The following BBS9 variants were observed in gnomAD, a reference collection of about 807,000 sequenced individuals.
BBS9 encodes Bardet-Biedl syndrome 9.
BBS9 carries 89 observed loss-of-function variants against 117.7 expected under a neutral mutation model. That is an observed-to-expected ratio of 0.76 (90% CI 0.64 to 0.90). The LOEUF is 0.90. Ranked by LOEUF, BBS9 falls within the 40% of genes least tolerant of loss-of-function variation. The pLI, the probability that BBS9 is intolerant of heterozygous loss-of-function variation, is 0.00. For synonymous variants in BBS9, 379 were observed against 370.9 expected (o/e 1.02, Z -0.25); for missense variants, 982 against 1,042.2 (o/e 0.94, Z 0.80).
chr7:33,550,411 T>A (rs1854212015), intron 21 of BBS9, among the ~76,000 whole-genome samples: 1 of 152,222 alleles, frequency 6.6e-6, no homozygotes, highest in African/African-American at 2.4e-5. Context: ...TATTTTTATT[T>A]AAATTTTTCA....
chr7:33,617,630 A>G (rs572134018), intron 21 of BBS9, among the ~76,000 whole-genome samples: 74 of 152,338 alleles, frequency 4.9e-4, no homozygotes, highest in Non-Finnish European at 9.3e-4. Context: ...GCAAGAAAAC[A>G]CAGTAGACAA....
intron 19 of BBS9, among the ~76,000 whole-genome samples, chr7:33,399,947 A>G (rs1428446234): frequency 6.6e-6 from 1 of 152,142 alleles, no homozygotes; most frequent in Non-Finnish European, 1.5e-5. Flanking sequence ...TTCTCCTTTT[A>G]ATAACCATCT....
rs12670016 is a variant in BBS9, at chr7:33,326,497, C to T, written c.1017-9944C>T. On this transcript the variant is annotated intron_variant, in intron 9 of 22. Coordinates refer to ENST00000242067, the MANE Select transcript of BBS9 (RefSeq NM_198428.3). ...TACTCCACTGCAGCCCAGCTGGTACCTAAGCTGTAAGACAAAGTCCCCTTT... is the reference window on the plus strand; with the variant it reads ...TACTCCACTGCAGCCCAGCTGGTACTTAAGCTGTAAGACAAAGTCCCCTTT... 4.4e-3 allele frequency among the ~76,000 whole-genome samples: 672 copies of T among 152,238 alleles called. 20 individuals carry two copies. The East Asian group carries it at 0.074, about 17-fold the overall frequency.
At chr7:33,515,760 A>G (rs896882982) in intron 20 of BBS9, among the ~76,000 whole-genome samples, 1 of 152,194 alleles carries the variant, frequency 6.6e-6, no homozygotes, top group Non-Finnish European at 1.5e-5. Context: ...ACAAAGCATA[A>G]CACAGTTTAT....
At chr7:33,409,013 A>G (rs978738860) in intron 19 of BBS9, among the ~76,000 whole-genome samples, 1 of 152,176 alleles carries the variant, frequency 6.6e-6, no homozygotes, top group African/African-American at 2.4e-5. Flanking sequence ...TCTTCTTTTG[A>G]GAACTGTCTG....
chr7:33,509,233 G>A (rs1408948878), intron 20 of BBS9, among the ~76,000 whole-genome samples: 1 of 152,160 alleles, frequency 6.6e-6, no homozygotes, highest in Non-Finnish European at 1.5e-5. Context: ...TGTTGAGACA[G>A]CTTATACATC....
Position 33,294,342 on chromosome 7 carries a change from TATCTATC to T in BBS9, c.1016+20387_1016+20393del, listed in dbSNP as rs1804795028. Among the ~76,000 whole-genome samples the T allele has an allele frequency of 2.3e-5, 3 of 132,342 alleles. No homozygotes were observed. The South Asian group carries it at 6.9e-4, about 30-fold the overall frequency. The allele number at this position is 132,342 out of a possible 152,430, so 86.8% of individuals were successfully genotyped here. The stretch of plus-strand genomic sequence containing the variant: ...CTATCTATCTATCTATCTATCTATC[TATCTATC>T]TATCTCTTTGTCCATCCATCCATCC... On this transcript the variant is annotated intron_variant, in intron 9 of 22. Coordinates refer to ENST00000242067, the MANE Select transcript of BBS9 (RefSeq NM_198428.3).
At chr7:33,219,008 G>A (rs1011133371) in intron 5 of BBS9, among the ~76,000 whole-genome samples, 2 of 152,368 alleles carry the variant, frequency 1.3e-5, no homozygotes, top group African/African-American at 2.4e-5. Flanking sequence ...GGCTGCGGGC[G>A]GCGCTTGCGG....
At position 33,333,962 on chromosome 7, in the gene BBS9, A is replaced by G. The variant is rs189215333; in HGVS notation, c.1017-2479A>G. Among the ~76,000 whole-genome samples the G allele has an allele frequency of 1.9e-3, 286 of 152,278 alleles. 1 individual carries two copies. Among genetic ancestry groups the G allele is most frequent in the African/African-American group, 6.1e-3 (255 of 41,566 alleles). On this transcript the variant is annotated intron_variant, in intron 9 of 22. Coordinates refer to ENST00000242067, the MANE Select transcript of BBS9 (RefSeq NM_198428.3). ...TTAAAAAGTAAATTGCTTAAGTTCT[A>G]TAATTACCTTAGCTGTCAAGACATT...
chr7:33,293,911 T>G (rs551701541), intron 9 of BBS9, among the ~76,000 whole-genome samples: 1 of 152,298 alleles, frequency 6.6e-6, no homozygotes, highest in African/African-American at 2.4e-5. Flanking sequence ...ACATAAAGTG[T>G]AGGTTTTAGT....
chr7:33,382,352 T>C (rs573954904), intron 17 of BBS9, among the ~76,000 whole-genome samples: 1 of 151,552 alleles, frequency 6.6e-6, no homozygotes, highest in African/African-American at 2.4e-5. Flanking sequence ...CCCAGTTGTT[T>C]GGGAGGCTGA....
chr7:33,406,772 T>C (rs977404086), intron 19 of BBS9, among the ~76,000 whole-genome samples: 2 of 152,214 alleles, frequency 1.3e-5, no homozygotes, highest in Non-Finnish European at 2.9e-5. Flanking sequence ...CCCCACTCTC[T>C]TCTGGCTTGT....
chr7:33,177,725 C>T, intron 5 of BBS9, 134 bp downstream of exon 5: 1 of 710,176 alleles, frequency 1.4e-6, no homozygotes, highest in East Asian at 2.8e-5. Context: ...CCTTTGTATC[C>T]AAATGCCCAA....
At chr7:33,336,095 G>A (rs1815304410) in intron 9 of BBS9, among the ~76,000 whole-genome samples, 1 of 152,138 alleles carries the variant, frequency 6.6e-6, no homozygotes, top group African/African-American at 2.4e-5. Flanking sequence ...TTGTTCACAT[G>A]CTTATTACGG....
intron 9 of BBS9, among the ~76,000 whole-genome samples, chr7:33,300,780 T>A (rs912211753): frequency 8.5e-5 from 13 of 152,126 alleles, no homozygotes; most frequent in African/African-American, 2.7e-4. Flanking sequence ...CTTCTAAATC[T>A]TCAAGCTGCT....
chr7:33,263,850 A>C (rs1304033537), intron 6 of BBS9, among the ~76,000 whole-genome samples: 1 of 152,130 alleles, frequency 6.6e-6, no homozygotes, highest in Non-Finnish European at 1.5e-5. Context: ...AAATGTACTT[A>C]CCTAGTTAAG....
chr7:33,320,810 G>A (rs1811554193), intron 9 of BBS9, among the ~76,000 whole-genome samples: 1 of 151,854 alleles, frequency 6.6e-6, no homozygotes, highest in South Asian at 2.1e-4. Context: ...ATATCTCGTT[G>A]TAGTCCTGAA....
At chr7:33,220,601 A>G (rs1296600794) in intron 5 of BBS9, among the ~76,000 whole-genome samples, 2 of 152,262 alleles carry the variant, frequency 1.3e-5, no homozygotes, top group African/African-American at 4.8e-5. Context: ...TGAAATGTGA[A>G]GATAATTCAT....
chr7:33,352,958 CTT>C (rs1262780530), intron 15 of BBS9, 85 bp downstream of exon 15: 7 of 1,382,802 alleles, frequency 5.1e-6, no homozygotes, highest in Non-Finnish European at 6.1e-6. Flanking sequence ...TGAATGAACT[CTT>C]TTTATGGACT....
Sources: allele counts gnomAD v4.1 joint callset (sites outside exome capture counted in the v4.1 genomes callset), GRCh38; gene constraint gnomAD v4.1.1; transcripts MANE v1.5; gene names NCBI Gene and HGNC (gene_info 2026-07-23, HGNC 2026-07-21).